SHOC1: variants seen among roughly 807,000 people sequenced by gnomAD.
SHOC1 encodes protein shortage in chiasmata 1 ortholog.
In SHOC1, 136 loss-of-function variants were observed where a neutral mutation model predicts 179.2. The ratio of observed to expected loss-of-function variants is 0.76; its 90% confidence interval spans 0.66 to 0.87. The LOEUF (loss-of-function observed/expected upper bound fraction) is 0.87, where lower values mean the gene tolerates loss of function less well. Ranked by LOEUF, SHOC1 falls within the 40% of genes least tolerant of loss-of-function variation. The pLI is 0.00. For synonymous variants in SHOC1, 489 were observed against 586.6 expected, an observed-to-expected ratio of 0.83 and a Z score of 2.41; for missense variants, 1,538 against 1,700.8, an observed-to-expected ratio of 0.90 and a Z score of 1.68.
rs749335204 is a variant in SHOC1 at position 111,758,198 on chromosome 9, TA to T, written c.597-4del. 1,656 of 1,425,470 alleles carry T rather than the reference TA, an allele frequency of 1.2e-3. No homozygotes were observed. Among genetic ancestry groups the T allele is most frequent in the Admixed American group, 2.0e-3 (94 of 46,910 alleles). 88.3% of individuals were successfully genotyped at this position (1,425,470 alleles called of 1,614,324 possible). On this transcript the variant is annotated splice_polypyrimidine_tract_variant and splice_region_variant and intron_variant, in intron 6 of 27. Coordinates refer to ENST00000682961, the MANE Select transcript of SHOC1 (RefSeq NM_001378211.1). ...TTTCTTGAAGAGAGAAACATTCCCT[TA>T]AAAAAAAATACATTAATTAGTGTTT... is the stretch of plus-strand genomic sequence containing the variant.
intron 10 of SHOC1, among the ~76,000 whole-genome samples, chr9:111,745,301 C>T (rs1242472717): frequency 6.6e-6 from 1 of 152,008 alleles, no homozygotes; most frequent in Non-Finnish European, 1.5e-5. Context: ...TATTATTATC[C>T]CAGTATTGTA....
intron 8 of SHOC1, among the ~76,000 whole-genome samples, chr9:111,749,766 C>T (rs1834484132): frequency 6.6e-6 from 1 of 152,154 alleles, no homozygotes. Context: ...TAAGTGAGAA[C>T]ATGTGGTGTT....
chr9:111,764,463 A>G (rs1835268581), intron 5 of SHOC1, among the ~76,000 whole-genome samples: 2 of 152,226 alleles, frequency 1.3e-5, no homozygotes, highest in South Asian at 4.1e-4. Flanking sequence ...CTATTGTACA[A>G]TAAAGAAATT....
intron 5 of SHOC1, among the ~76,000 whole-genome samples, chr9:111,764,313 C>A (rs901885007): frequency 5.3e-5 from 8 of 152,088 alleles, no homozygotes; most frequent in Non-Finnish European, 1.2e-4. Context: ...TCTTACTGTG[C>A]TTAATTTACA....
rs1294292848 is a variant in SHOC1, at chr9:111,692,410, G to A, written c.3567C>T (p.Thr1189=). ...CAGAAGCTGAACTTTGAGAAGACAA[G>A]GTACTAATCTGATTCCTATTTTCCT... The part of the protein sequence containing the change: ...SPQENRNQIS[T]LSSQSSASDL... Residue 1189 remains threonine (T), a synonymous_variant, in exon 27 of 28, where the codon ACC becomes ACT. Coordinates refer to ENST00000682961, the MANE Select transcript of SHOC1 (RefSeq NM_001378211.1). 2.5e-6 allele frequency: 4 copies of A among 1,613,266 alleles called. No individual in the cohort carries two copies. The African/African-American group carries it at 5.3e-5, about 22-fold the overall frequency.
At chr9:111,753,897 G>C (rs1230977991) in intron 8 of SHOC1, among the ~76,000 whole-genome samples, 1 of 152,034 alleles carries the variant, frequency 6.6e-6, no homozygotes, top group Non-Finnish European at 1.5e-5. Flanking sequence ...AGGGTGTAGG[G>C]GAAATGAGGA....
chr9:111,794,870 C>G (rs1836570933), intron 1 of SHOC1, 30 bp downstream of exon 1: 1 of 152,594 alleles, frequency 6.6e-6, no homozygotes, highest in Non-Finnish European at 1.5e-5. Context: ...ATCACCCTCT[C>G]TCCTGCCTCC....
rs764177966 is a variant in SHOC1, at chr9:111,700,030, T to G, written c.3107A>C (p.Lys1036Thr). The G allele has an allele frequency of 8.2e-6, 13 of 1,594,046 alleles. 1 individual carries two copies. The South Asian group carries it at 1.4e-4, about 17-fold the overall frequency. Residue 1036 changes from lysine to threonine, a missense_variant, in exon 24 of 28, where the codon AAG (lysine) becomes ACG (threonine). Lys to Thr is a moderately conservative substitution (Grantham distance 78). Coordinates refer to ENST00000682961, the MANE Select transcript of SHOC1 (RefSeq NM_001378211.1). ...TLNSEYLLTE[K>T]TLHHLALIYA... ...AATCAGTGCTAGGTGATGAAGTGTC[T>G]TTTCTGTAAGCAGATACCTACAAAG...
Position 111,785,968 on chromosome 9 carries a change from T to C in SHOC1, c.113A>G (p.Asp38Gly). 1 of 1,531,632 alleles carries C rather than the reference T, an allele frequency of 6.5e-7. No individual in the cohort carries two copies. Among genetic ancestry groups the C allele is most frequent in the Non-Finnish European group, 8.8e-7 (1 of 1,139,080 alleles). 94.9% of individuals were successfully genotyped at this position (1,531,632 alleles called of 1,614,324 possible). ...AGTAACTGCTACATGGTAACTTTCA[T>C]CTTGATATAAACATGAAGGGATTCG... ...LLRIPSCLYQ[D>G]ESYHVAVTDN... Residue 38 changes from aspartate to glycine, a missense_variant, in exon 3 of 28, where the codon GAT becomes GGT. Physicochemically the swap from Asp to Gly is moderately conservative, Grantham distance 94. Coordinates refer to ENST00000682961, the MANE Select transcript of SHOC1 (RefSeq NM_001378211.1).
chr9:111,704,820 C>G (rs1832173946), intron 21 of SHOC1, among the ~76,000 whole-genome samples: 1 of 152,042 alleles, frequency 6.6e-6, no homozygotes. Flanking sequence ...GTTTCCCAGG[C>G]AGTAAAGTTC....
chr9:111,785,560 T>C (rs746366884), intron 3 of SHOC1, among the ~76,000 whole-genome samples: 6 of 152,186 alleles, frequency 3.9e-5, no homozygotes, highest in Non-Finnish European at 5.9e-5. Context: ...ACATATATGC[T>C]TAAAAATAAT....
chr9:111,719,400 T>C (rs1832936668), intron 15 of SHOC1, among the ~76,000 whole-genome samples: 1 of 152,156 alleles, frequency 6.6e-6, no homozygotes, highest in African/African-American at 2.4e-5. Flanking sequence ...CATGTCCCTT[T>C]TTTGTCCTCT....
chr9:111,734,671 G>C (rs1833739015), intron 12 of SHOC1, among the ~76,000 whole-genome samples: 2 of 152,272 alleles, frequency 1.3e-5, no homozygotes, highest in African/African-American at 4.8e-5. Flanking sequence ...TTACTAGTGA[G>C]CCACAGGAGT....
chr9:111,717,037 T>A (rs1435005559), intron 16 of SHOC1, among the ~76,000 whole-genome samples: 2 of 152,216 alleles, frequency 1.3e-5, no homozygotes, highest in Non-Finnish European at 2.9e-5. Flanking sequence ...ACAGTGAGAT[T>A]GGTTATTACT....
chr9:111,715,619 C>T (rs1006054834), intron 16 of SHOC1, among the ~76,000 whole-genome samples: 1 of 152,080 alleles, frequency 6.6e-6, no homozygotes, highest in African/African-American at 2.4e-5. Context: ...AGGCCTAGCT[C>T]CTGCTTGCCT....
chr9:111,772,096 T>C (rs920517785), intron 5 of SHOC1, among the ~76,000 whole-genome samples: 3 of 152,154 alleles, frequency 2.0e-5, no homozygotes, highest in Admixed American at 6.6e-5. Context: ...TTTTTCTTTC[T>C]TTTTTCTTTT....
chr9:111,754,434 A>G (rs1229685394), intron 8 of SHOC1, among the ~76,000 whole-genome samples: 1 of 152,228 alleles, frequency 6.6e-6, no homozygotes, highest in Non-Finnish European at 1.5e-5. Flanking sequence ...ACCTAGTAGG[A>G]TGGCGATAAA....
At chr9:111,777,189 G>T (rs1238387996) in intron 4 of SHOC1, among the ~76,000 whole-genome samples, 1 of 152,128 alleles carries the variant, frequency 6.6e-6, no homozygotes, top group Non-Finnish European at 1.5e-5. Context: ...AATATCTCAA[G>T]CCCTGATCTT....
intron 15 of SHOC1, 32 bp from the exon 16 acceptor site, chr9:111,718,320 G>A (rs1402970380): frequency 4.3e-6 from 6 of 1,402,296 alleles, no homozygotes; most frequent in Non-Finnish European, 5.9e-6. Flanking sequence ...TTAAAACATA[G>A]ACTATACATT....
Sources: allele counts gnomAD v4.1 joint callset (sites outside exome capture counted in the v4.1 genomes callset), GRCh38; gene constraint gnomAD v4.1.1; transcripts MANE v1.5; gene names NCBI Gene and HGNC (gene_info 2026-07-23, HGNC 2026-07-21).